Variants in RP1 observed in about 807,000 individuals in gnomAD.
RP1 encodes RP1 axonemal microtubule associated, also known as oxygen-regulated protein 1.
In RP1, 16 loss-of-function variants were observed where a neutral mutation model predicts 14.8. That is an observed-to-expected ratio of 1.08 (90% CI 0.73 to 1.65). The LOEUF is 1.65. Ranked by LOEUF, RP1 falls within the 40% of genes most tolerant of loss-of-function variation. RP1 has a pLI of 0.00. For synonymous variants in RP1, 876 were observed against 883.6 expected, an observed-to-expected ratio of 0.99 and a Z score of 0.15; for missense variants, 2,631 against 2,535.0, an observed-to-expected ratio of 1.04 and a Z score of -0.81.
At chr8:54,826,185 C>A (rs1298088074) in intron 24 of RP1, among the ~76,000 whole-genome samples, 1 of 152,176 alleles carries the variant, frequency 6.6e-6, no homozygotes, top group African/African-American at 2.4e-5. Context: ...TAAGCAACCA[C>A]ATTTGAGAAG....
exon 10 of RP1, chr8:54,679,456 C>T: frequency 6.5e-7 from 1 of 1,535,888 alleles, no homozygotes. Flanking sequence ...GTAAAATTGT[C>T]AGAGAACTGT....
intron 1 of RP1, among the ~76,000 whole-genome samples, chr8:54,578,801 C>T (rs1563316846): frequency 6.6e-6 from 1 of 152,154 alleles, no homozygotes; most frequent in African/African-American, 2.4e-5. Flanking sequence ...ATTTAATCTT[C>T]ACAAGCATGG....
chr8:54,672,616 G>A (rs142567010), intron 7 of RP1, among the ~76,000 whole-genome samples: 15 of 152,186 alleles, frequency 9.9e-5, no homozygotes, highest in Non-Finnish European at 2.1e-4. Context: ...CTTCTTTGTC[G>A]ATGTTTAAAT....
At chr8:54,696,067 G>C (rs1421132423) in intron 12 of RP1, among the ~76,000 whole-genome samples, 1 of 151,924 alleles carries the variant, frequency 6.6e-6, no homozygotes, top group Admixed American at 6.6e-5. Context: ...AAATTCTATA[G>C]TTAACCTCTG....
intron 16 of RP1, among the ~76,000 whole-genome samples, chr8:54,721,655 C>A (rs939581298): frequency 7.2e-5 from 11 of 152,142 alleles, no homozygotes; most frequent in African/African-American, 2.7e-4. Flanking sequence ...TTCTTTACAG[C>A]CCCTAAAATT....
rs182031034 is a variant in RP1 at position 54,785,324 on chromosome 8, C to T, written c.3615+1614C>T. Among the ~76,000 whole-genome samples the T allele has an allele frequency of 1.3e-3, 195 of 150,604 alleles. 2 individuals are homozygous for T. Among genetic ancestry groups the T allele is most frequent in the East Asian group, 3.9e-4 (2 of 5,188 alleles). ...CATAAAGAATGCTTTAAAACTTAATCGGTGTTGTAGCATGTATCAGTACTT... is the reference window on the plus strand; with the variant it reads ...CATAAAGAATGCTTTAAAACTTAATTGGTGTTGTAGCATGTATCAGTACTT... On this transcript the variant is annotated intron_variant, in intron 24 of 28. Transcript: ENST00000637698.
intron 1 of RP1, 27 bp from the exon 2 acceptor site, chr8:54,620,927 TC>T (rs765219603): frequency 6.2e-7 from 1 of 1,608,522 alleles, no homozygotes; most frequent in East Asian, 2.2e-5. Flanking sequence ...GTGCTGTGAT[TC>T]TGGAGATAAT....
intron 1 of RP1, among the ~76,000 whole-genome samples, chr8:54,565,715 G>A (rs970474873): frequency 3.3e-5 from 5 of 152,134 alleles, no homozygotes. Context: ...GCGGGGATTG[G>A]GGGGATCTGG....
intron 24 of RP1, among the ~76,000 whole-genome samples, chr8:54,831,138 G>T (rs190350540): frequency 2.6e-5 from 4 of 151,948 alleles, no homozygotes; most frequent in African/African-American, 4.8e-5. Context: ...TCACATTTTG[G>T]CTGCATAGAC....
intron 3 of RP1, chr8:54,648,849 T>A: frequency 1.9e-6 from 1 of 513,742 alleles, no homozygotes; most frequent in Non-Finnish European, 3.3e-6. Flanking sequence ...AATCTTCTGT[T>A]ATGGCACTTT....
chr8:54,809,620 T>C (rs1212981668), intron 24 of RP1, among the ~76,000 whole-genome samples: 2 of 152,212 alleles, frequency 1.3e-5, no homozygotes, highest in African/African-American at 4.8e-5. Flanking sequence ...TCACAGCCAT[T>C]GTACTGTAAA....
At chr8:54,736,907 G>A (rs150275986) in intron 18 of RP1, among the ~76,000 whole-genome samples, 199 of 152,066 alleles carry the variant, frequency 1.3e-3, no homozygotes, top group African/African-American at 4.6e-3. Flanking sequence ...ATAAGACTGG[G>A]GTCTTATGAT....
chr8:54,597,371 T>TTTA (rs1345211034), intron 1 of RP1, among the ~76,000 whole-genome samples: 16 of 152,002 alleles, frequency 1.1e-4, no homozygotes, highest in Middle Eastern at 3.2e-3. Context: ...ATCAAGACAT[T>TTTA]TTATTATTAT....
intron 27 of RP1, among the ~76,000 whole-genome samples, chr8:54,865,141 A>G (rs1812430010): frequency 6.6e-6 from 1 of 152,006 alleles, no homozygotes; most frequent in African/African-American, 2.4e-5. Context: ...TATGCTTTTT[A>G]ACCTTTTCTC....
At chr8:54,607,591 G>T (rs1304531146) in intron 1 of RP1, among the ~76,000 whole-genome samples, 1 of 152,198 alleles carries the variant, frequency 6.6e-6, no homozygotes, top group Non-Finnish European at 1.5e-5. Flanking sequence ...GGACATTTAA[G>T]TCTGCATAGG....
At chr8:54,750,133 A>G (rs1384465895) in intron 19 of RP1, among the ~76,000 whole-genome samples, 2 of 152,164 alleles carry the variant, frequency 1.3e-5, no homozygotes, top group Non-Finnish European at 2.9e-5. Flanking sequence ...TTCCTTGGGC[A>G]TTCTCTAGGA....
intron 24 of RP1, among the ~76,000 whole-genome samples, chr8:54,800,531 C>T (rs1413522162): frequency 2.0e-5 from 3 of 151,962 alleles, no homozygotes; most frequent in Admixed American, 6.6e-5. Context: ...CCAATGTTCT[C>T]GGATGCTCTG....
At chr8:54,840,989 A>T (rs1189946558) in intron 25 of RP1, among the ~76,000 whole-genome samples, 1 of 152,232 alleles carries the variant, frequency 6.6e-6, no homozygotes, top group Non-Finnish European at 1.5e-5. Context: ...GGGGGAAAAC[A>T]TTAAAACAAG....
In RP1 at chr8:54,627,931, A is replaced by G; in HGVS notation, c.4049A>G (p.Asn1350Ser). 1 of 1,614,158 alleles carries G rather than the reference A, an allele frequency of 6.2e-7. No individual in the cohort carries two copies. ...ATTGACTTTTTAAACTCCAAAGAAAACACATATACTGATAACTTGGATTCA... is the reference window on the plus strand; with the variant it reads ...ATTGACTTTTTAAACTCCAAAGAAAGCACATATACTGATAACTTGGATTCA... ...NTIDFLNSKE[N>S]TYTDNLDSTE... The change falls in exon 4 of 4, where the codon AAC becomes AGC. Residue 1350 changes from asparagine (N) to serine (S), a missense_variant. Physicochemically the swap from Asn to Ser is conservative, Grantham distance 46 (BLOSUM62 1). Transcript: ENST00000220676.
Sources: allele counts gnomAD v4.1 joint callset (sites outside exome capture counted in the v4.1 genomes callset), GRCh38; gene constraint gnomAD v4.1.1; transcripts MANE v1.5; gene names NCBI Gene and HGNC (gene_info 2026-07-23, HGNC 2026-07-21).